Variants in ADAMTS18 observed in about 807,000 individuals in gnomAD.
ADAMTS18 encodes ADAM metallopeptidase with thrombospondin type 1 motif 18, also known as A disintegrin and metalloproteinase with thrombospondin motifs 18.
In ADAMTS18, 157 loss-of-function variants were observed where a neutral mutation model predicts 165.9. The observed-to-expected ratio is 0.95, with a 90% CI of 0.83 to 1.08. The LOEUF (loss-of-function observed/expected upper bound fraction) is 1.08, where lower values mean the gene tolerates loss of function less well. Among genes scored for constraint, ADAMTS18 ranks in the 50% least tolerant of loss-of-function variants. The probability of loss-of-function intolerance (pLI) is 0.00; values close to 1 mark genes in which losing one functional copy is unlikely to be tolerated. For synonymous variants in ADAMTS18, 782 were observed against 578.2 expected, an observed-to-expected ratio of 1.35 and a Z score of -5.06; for missense variants, 2,040 against 1,534.0, an observed-to-expected ratio of 1.33 and a Z score of -5.51.
intron 3 of ADAMTS18, among the ~76,000 whole-genome samples, chr16:77,385,213 A>G (rs911674135): frequency 2.6e-5 from 4 of 152,124 alleles, no homozygotes; most frequent in Non-Finnish European, 5.9e-5. Context: ...CTGGCCATAG[A>G]TAAATATTTT....
intron 4 of ADAMTS18, among the ~76,000 whole-genome samples, chr16:77,365,453 A>G (rs2056779322): frequency 6.6e-6 from 1 of 152,264 alleles, no homozygotes; most frequent in African/African-American, 2.4e-5. Context: ...GCACATAAGA[A>G]GCACTCAGTA....
intron 3 of ADAMTS18, among the ~76,000 whole-genome samples, chr16:77,382,783 T>G (rs1014196406): frequency 6.6e-5 from 10 of 152,210 alleles, no homozygotes; most frequent in African/African-American, 2.4e-4. Flanking sequence ...GAAACCAGAC[T>G]TTCCATGAAG....
intron 3 of ADAMTS18, among the ~76,000 whole-genome samples, chr16:77,407,595 CT>C (rs1567546339): frequency 2.0e-5 from 3 of 152,124 alleles, no homozygotes; most frequent in Non-Finnish European, 1.5e-5. Flanking sequence ...AGAATAAAGA[CT>C]TTTTTAAAAA....
At chr16:77,384,677 A>G (rs1462702660) in intron 3 of ADAMTS18, among the ~76,000 whole-genome samples, 1 of 152,190 alleles carries the variant, frequency 6.6e-6, no homozygotes, top group African/African-American at 2.4e-5. Context: ...GTAGCAGTGA[A>G]GATTGTACTA....
At chr16:77,305,049 T>C (rs1337292226) in intron 16 of ADAMTS18, among the ~76,000 whole-genome samples, 1 of 152,212 alleles carries the variant, frequency 6.6e-6, no homozygotes, top group Non-Finnish European at 1.5e-5. Flanking sequence ...AGAAAGCTGA[T>C]GTAAGAATTT....
At chr16:77,423,675 T>C (rs1346838869) in intron 3 of ADAMTS18, among the ~76,000 whole-genome samples, 3 of 152,152 alleles carry the variant, frequency 2.0e-5, no homozygotes, top group Non-Finnish European at 4.4e-5. Flanking sequence ...TGCTGCTTCA[T>C]CATACATGAA....
chr16:77,383,789 C>T (rs770908250), intron 3 of ADAMTS18, among the ~76,000 whole-genome samples: 27 of 152,148 alleles, frequency 1.8e-4, no homozygotes, highest in Non-Finnish European at 8.8e-5. Context: ...GATCCGCCCT[C>T]CTTGACCTCC....
intron 3 of ADAMTS18, among the ~76,000 whole-genome samples, chr16:77,427,669 AAACAT>A (rs1255903734): frequency 6.6e-6 from 1 of 152,230 alleles, no homozygotes; most frequent in Non-Finnish European, 1.5e-5. Flanking sequence ...AATCATCTCT[AAACAT>A]AACAGTAGGC....
At chr16:77,346,539 C>T (rs1478647980) in intron 10 of ADAMTS18, among the ~76,000 whole-genome samples, 2 of 152,108 alleles carry the variant, frequency 1.3e-5, no homozygotes, top group East Asian at 3.9e-4. Flanking sequence ...ATGAGTTTTG[C>T]ATAAATTATT....
At chr16:77,364,025 A>G (rs1275409823) in intron 5 of ADAMTS18, 140 bp from the exon 6 acceptor site, 1 of 1,261,098 alleles carries the variant, frequency 7.9e-7, no homozygotes, top group Non-Finnish European at 1.1e-6. Context: ...CTCAAAACTC[A>G]ACTTAAAAAA....
At position 77,363,831 on chromosome 16, in the gene ADAMTS18, C is replaced by T. The variant is rs1403672590; in HGVS notation, c.1027G>A (p.Val343Met). 6.2e-7 allele frequency: 1 copy of T among 1,613,994 alleles called. No homozygotes were observed. Among genetic ancestry groups the T allele is most frequent in the African/African-American group, 1.3e-5 (1 of 75,026 alleles). Residue 343 changes from valine (V) to methionine (M), a missense_variant, in exon 6 of 23, where the codon GTG becomes ATG. By Grantham distance (21) the Val-to-Met change is conservative (BLOSUM62 1). Coordinates refer to ENST00000282849, the MANE Select transcript of ADAMTS18 (RefSeq NM_199355.4). Reference sequence around the variant, plus strand: ...TCTTGTTCCAGAAGAATTAGGCTCACCACAACCACGTTTATGTCACTTCCA... The same window carrying T: ...TCTTGTTCCAGAAGAATTAGGCTCATCACAACCACGTTTATGTCACTTCCA... ...TIGSDINVVV[V>M]SLILLEQEPG...
intron 16 of ADAMTS18, among the ~76,000 whole-genome samples, chr16:77,308,593 A>T (rs970458746): frequency 7.1e-6 from 1 of 141,082 alleles, no homozygotes; most frequent in Admixed American, 7.0e-5. Context: ...AAAAAAAAAA[A>T]AACTTGTGTA....
At chr16:77,389,045 G>C (rs1398584746) in intron 3 of ADAMTS18, among the ~76,000 whole-genome samples, 1 of 152,182 alleles carries the variant, frequency 6.6e-6, no homozygotes, top group Admixed American at 6.5e-5. Context: ...CACACGTGTA[G>C]TCCCAGTACT....
chr16:77,333,107 A>G (rs2056216992), intron 12 of ADAMTS18, among the ~76,000 whole-genome samples: 1 of 152,180 alleles, frequency 6.6e-6, no homozygotes, highest in Non-Finnish European at 1.5e-5. Flanking sequence ...AGATGAACAG[A>G]GTAGCTCAGA....
At chr16:77,398,189 T>C (rs967980622) in intron 3 of ADAMTS18, among the ~76,000 whole-genome samples, 1 of 152,036 alleles carries the variant, frequency 6.6e-6, no homozygotes, top group African/African-American at 2.4e-5. Context: ...TGGTGATGCA[T>C]GCCTGTAATC....
At chr16:77,363,494 T>C (rs980656562) in intron 6 of ADAMTS18, among the ~76,000 whole-genome samples, 4 of 151,240 alleles carry the variant, frequency 2.6e-5, no homozygotes, top group South Asian at 2.1e-4. Flanking sequence ...AGATTTATTT[T>C]ATGTAACATA....
At chr16:77,348,545 G>C (rs1456000735) in intron 10 of ADAMTS18, among the ~76,000 whole-genome samples, 2 of 152,186 alleles carry the variant, frequency 1.3e-5, no homozygotes, top group African/African-American at 2.4e-5. Context: ...TGGTCAATCA[G>C]GTAAGTCACT....
chr16:77,417,569 G>A (rs1422240801), intron 3 of ADAMTS18, among the ~76,000 whole-genome samples: 1 of 152,202 alleles, frequency 6.6e-6, no homozygotes, highest in Admixed American at 6.5e-5. Flanking sequence ...TATGCAGATG[G>A]AAGAATTAGG....
chr16:77,385,442 A>G (rs1433563644), intron 3 of ADAMTS18, among the ~76,000 whole-genome samples: 1 of 152,182 alleles, frequency 6.6e-6, no homozygotes, highest in Admixed American at 6.5e-5. Context: ...CCACATTTGC[A>G]AGACAGGGAT....
Sources: gnomAD v4.1 joint callset for allele counts (sites outside exome capture counted in the v4.1 genomes callset) on GRCh38, gnomAD v4.1.1 for gene constraint, MANE v1.5 for transcripts, NCBI Gene and HGNC (gene_info 2026-07-23, HGNC 2026-07-21) for gene names.